SYNJ2: variants seen among roughly 807,000 people sequenced by gnomAD.
SYNJ2 encodes synaptojanin 2.
SYNJ2 carries 116 observed loss-of-function variants against 141.3 expected under a neutral mutation model. That is an observed-to-expected ratio of 0.82 (90% CI 0.71 to 0.96). The LOEUF (loss-of-function observed/expected upper bound fraction) is 0.96. Ranked by LOEUF, SYNJ2 falls within the 40% of genes least tolerant of loss-of-function variation. The pLI, the probability that SYNJ2 is intolerant of heterozygous loss-of-function variation, is 0.00. For missense variants in SYNJ2, 1,873 were observed against 1,934.8 expected (o/e 0.97, Z 0.60); for synonymous variants, 745 against 777.7 (o/e 0.96, Z 0.70).
chr6:158,091,751 TA>T (rs35408343), intron 25 of SYNJ2, among the ~76,000 whole-genome samples: 30,311 of 100,858 alleles, frequency 0.3, 3,300 homozygotes, highest in Middle Eastern at 0.51. Context: ...CTCTGTCTCA[TA>T]AAAAAAAAAA....
intron 1 of SYNJ2, among the ~76,000 whole-genome samples, chr6:157,985,141 C>T (rs1777153681): frequency 6.6e-6 from 1 of 152,196 alleles, no homozygotes; most frequent in Non-Finnish European, 1.5e-5. Flanking sequence ...TTATCATTTT[C>T]AGGCAAGGCC....
chr6:158,061,423 C>G (rs1327305202), intron 7 of SYNJ2, among the ~76,000 whole-genome samples: 1 of 152,126 alleles, frequency 6.6e-6, no homozygotes, highest in Non-Finnish European at 1.5e-5. Context: ...ACCTGCTTCC[C>G]ATCTCTCCCC....
rs2502598 is a variant in SYNJ2 at position 158,098,157 on chromosome 6, C to G, written c.*1793C>G. 0.52 allele frequency: 78,693 copies of G among 152,000 alleles called. 20,602 individuals are homozygous for G. The highest frequency in any genetic ancestry group is 0.57 in the South Asian group (2,741 of 4,826). 9.4% of individuals were successfully genotyped at this position (152,000 alleles called of 1,614,324 possible). ...CTTTTCCCTATAACCTCTTTTCTCACCAAAAAGGAGATAAATTTGAAAACA... is the reference window on the plus strand; with the variant it reads ...CTTTTCCCTATAACCTCTTTTCTCAGCAAAAAGGAGATAAATTTGAAAACA... On this transcript the variant is annotated 3_prime_UTR_variant, in exon 27 of 27. Transcript: ENST00000355585.
At chr6:158,092,790 G>T in intron 25 of SYNJ2, 136 bp from the exon 26 acceptor site, 2 of 837,652 alleles carry the variant, frequency 2.4e-6, no homozygotes. Context: ...AAAAAAGCTG[G>T]GACTGAATCT....
chr6:158,017,265 C>T lies in SYNJ2; in HGVS notation c.189C>T (p.Cys63=), dbSNP rs527793217. ...GCAAGCTCACGGACGCGTACGGCTG[C>T]CTGGGGGAGCTGAGGCTGAAATCTG... ...QYGKLTDAYG[C]LGELRLKSGG... Residue 63 remains cysteine, a synonymous_variant, in exon 2 of 27, where the codon TGC becomes TGT. Coordinates refer to ENST00000355585, the MANE Select transcript of SYNJ2 (RefSeq NM_003898.4). 1.9e-6 allele frequency: 3 copies of T among 1,613,734 alleles called. No homozygotes were observed. Among genetic ancestry groups the T allele is most frequent in the Non-Finnish European group, 2.5e-6 (3 of 1,179,908 alleles).
chr6:158,080,390 A>G (rs1782594696), intron 18 of SYNJ2, among the ~76,000 whole-genome samples: 1 of 151,442 alleles, frequency 6.6e-6, no homozygotes, highest in African/African-American at 2.4e-5. Context: ...CAGGAGAATC[A>G]CTTGAGCCCG....
In SYNJ2 at chr6:158,071,725, C is replaced by CG; in HGVS notation, c.2067dup (p.Gln690AlafsTer9). 6.2e-7 allele frequency: 1 copy of CG among 1,614,058 alleles called. No homozygotes were observed. Among genetic ancestry groups the CG allele is most frequent in the Non-Finnish European group, 8.5e-7 (1 of 1,180,040 alleles). The stretch of plus-strand genomic sequence containing the variant: ...GCTTCATATGTAGTCACCTGACGGC[C>CG]GGGCAGTCCCAGGTGAAGGAGCGGA... On this transcript the variant is annotated frameshift_variant, in exon 15 of 27. Coordinates refer to ENST00000355585, the MANE Select transcript of SYNJ2 (RefSeq NM_003898.4). LOFTEE classifies it high-confidence loss of function. This position sits in a 1 kb window ranked among gnomAD's most constrained non-coding sequence, Gnocchi z 4.3.
intron 1 of SYNJ2, among the ~76,000 whole-genome samples, chr6:157,993,820 T>TTG (rs1777544544): frequency 1.7e-5 from 2 of 120,186 alleles, no homozygotes; most frequent in Non-Finnish European, 3.6e-5. Flanking sequence ...TTTTTTTTTT[T>TTG]TTTTTTTTTT....
chr6:158,025,856 G>T (rs1167294655), intron 2 of SYNJ2, among the ~76,000 whole-genome samples: 6 of 152,146 alleles, frequency 3.9e-5, no homozygotes, highest in African/African-American at 1.4e-4. Context: ...AGAGGGTGAG[G>T]CAGGAGAATC....
At chr6:158,004,949 G>A (rs1194174853) in intron 1 of SYNJ2, among the ~76,000 whole-genome samples, 1 of 151,854 alleles carries the variant, frequency 6.6e-6, no homozygotes, top group Admixed American at 6.6e-5. Context: ...TCCAGTGAGT[G>A]ACCCCACCCC....
At chr6:158,059,087 T>A (rs1402482547) in intron 6 of SYNJ2, among the ~76,000 whole-genome samples, 170 bp from the exon 7 acceptor site, 1 of 152,254 alleles carries the variant, frequency 6.6e-6, no homozygotes, top group Non-Finnish European at 1.5e-5. Flanking sequence ...GTGCAGGTTC[T>A]CTCCACCCAG....
At chr6:157,996,089 G>A (rs1777621821) in intron 1 of SYNJ2, among the ~76,000 whole-genome samples, 1 of 152,202 alleles carries the variant, frequency 6.6e-6, no homozygotes, top group African/African-American at 2.4e-5. Flanking sequence ...GGTCTAAAAT[G>A]TAACAGGCTG....
Position 158,083,705 on chromosome 6 carries a change from C to T in SYNJ2, c.3034+108C>T, listed in dbSNP as rs191483073. 5.5e-3 allele frequency: 7,874 copies of T among 1,424,990 alleles called. 29 individuals carry two copies. Among genetic ancestry groups the T allele is most frequent in the Non-Finnish European group, 6.5e-3 (6,684 of 1,034,912 alleles). 88.3% of individuals were successfully genotyped at this position (1,424,990 alleles called of 1,614,324 possible). A position where few individuals can be genotyped will look rare whatever the true frequency, so the allele number is the denominator to read the frequency against. ...CCTTGCAGAAGTGACGGAGGACACC[C>T]GCAGGGCAAGCCCTCTGTCCCATGT... is the stretch of plus-strand genomic sequence containing the variant. On this transcript the variant is annotated intron_variant, in intron 21 of 26. Coordinates refer to ENST00000355585, the MANE Select transcript of SYNJ2 (RefSeq NM_003898.4).
At chr6:158,078,851 G>A (rs1782496654) in intron 18 of SYNJ2, 1 of 142,652 alleles carries the variant, frequency 7.0e-6, no homozygotes, top group Non-Finnish European at 1.5e-5. Context: ...ATGGAGTACA[G>A]TGGTGTGATC....
intron 1 of SYNJ2, among the ~76,000 whole-genome samples, chr6:158,000,064 CTTTTTTTTTTTTTTTTTTTTT>C (rs58284240): frequency 1.8e-4 from 15 of 85,602 alleles, no homozygotes; most frequent in East Asian, 3.1e-4. Flanking sequence ...AGCCAAAAGG[CTTTTTTTTTTTTTTTTTTTTT>C]TTTTTTTTTT....
At chr6:158,037,697 G>A (rs753736159) in intron 4 of SYNJ2, among the ~76,000 whole-genome samples, 15 of 151,990 alleles carry the variant, frequency 9.9e-5, no homozygotes, top group African/African-American at 1.2e-4. Context: ...CACTGAGCCC[G>A]GCCCAGTTGT....
intron 1 of SYNJ2, among the ~76,000 whole-genome samples, chr6:158,010,074 G>A (rs1251044926): frequency 6.6e-6 from 1 of 152,200 alleles, no homozygotes; most frequent in Non-Finnish European, 1.5e-5. Context: ...CCACCACCAT[G>A]CCTGGTTACT....
intron 1 of SYNJ2, among the ~76,000 whole-genome samples, chr6:158,006,117 C>T (rs921083259): frequency 6.6e-6 from 1 of 152,220 alleles, no homozygotes; most frequent in Non-Finnish European, 1.5e-5. Context: ...ATAAATGCCC[C>T]TGGCCTAAGG....
chr6:158,070,264 A>G lies in SYNJ2; in HGVS notation c.1940+591A>G. Reference sequence around the variant, plus strand: ...CACCTGGGCCTACCCATGGCTTTTGAATTTCCACCAGCCTTTCGGCGAGCT... The same window carrying G: ...CACCTGGGCCTACCCATGGCTTTTGGATTTCCACCAGCCTTTCGGCGAGCT... On this transcript the variant is annotated intron_variant, in intron 14 of 26. Transcript: ENST00000355585. The surrounding 1 kb of genome is among the most constrained non-coding windows in gnomAD (Gnocchi z 4.0). 1.0e-6 allele frequency: 1 copy of G among 985,360 alleles called. No homozygotes were observed. The highest frequency in any genetic ancestry group is 1.2e-6 in the Non-Finnish European group (1 of 829,972). The allele number at this position is 985,360 out of a possible 1,614,324, so 61.0% of individuals were successfully genotyped here.
Sources: allele counts gnomAD v4.1 joint callset (sites outside exome capture counted in the v4.1 genomes callset), GRCh38; gene constraint gnomAD v4.1.1; non-coding constraint Gnocchi (gnomAD v3.1); transcripts MANE v1.5; gene names NCBI Gene and HGNC (gene_info 2026-07-23, HGNC 2026-07-21).